The following SRBD1 variants were observed in gnomAD, a reference collection of about 807,000 sequenced individuals.
The protein encoded by SRBD1 is S1 RNA binding domain 1.
In SRBD1, 88 loss-of-function variants were observed where a neutral mutation model predicts 115.3. That is an observed-to-expected ratio of 0.76 (90% CI 0.64 to 0.91). SRBD1 has a LOEUF of 0.91. Ranked by LOEUF, SRBD1 falls within the 40% of genes least tolerant of loss-of-function variation. SRBD1 has a pLI of 0.00. For synonymous variants in SRBD1, 509 were observed against 407.7 expected, an observed-to-expected ratio of 1.25 and a Z score of -2.99; for missense variants, 1,385 against 1,177.4, an observed-to-expected ratio of 1.18 and a Z score of -2.58.
Position 45,547,579 on chromosome 2 carries a change from T to G in SRBD1, c.1709A>C (p.His570Pro). The change falls in exon 13 of 21, where the codon CAT becomes CCT. Residue 570 changes from histidine to proline, a missense_variant. His to Pro is a moderately conservative substitution (Grantham distance 77). Coordinates refer to ENST00000263736, the MANE Select transcript of SRBD1 (RefSeq NM_018079.5). The part of the protein sequence containing the change: ...QILHTDVVYL[H>P]CGQGFREAEK... The stretch of plus-strand genomic sequence containing the variant: ...CGCCTCTCGGAAGCCTTGTCCACAA[T>G]GCAAGTAAACCACATCAGTATGAAG... 1.9e-6 allele frequency: 3 copies of G among 1,613,760 alleles called. No homozygotes were observed. The highest frequency in any genetic ancestry group is 2.5e-6 in the Non-Finnish European group (3 of 1,179,752).
chr2:45,541,171 G>A (rs543094223), intron 14 of SRBD1, among the ~76,000 whole-genome samples: 44 of 152,354 alleles, frequency 2.9e-4, no homozygotes, highest in East Asian at 1.5e-3. Flanking sequence ...CAGGGCAGGT[G>A]GTGCCATGCA....
chr2:45,494,877 A>G (rs982094999), intron 14 of SRBD1, among the ~76,000 whole-genome samples: 5 of 152,242 alleles, frequency 3.3e-5, no homozygotes, highest in African/African-American at 1.2e-4. Flanking sequence ...CACTAGCACC[A>G]TCTGGTGGAG....
rs757089546 is a variant in SRBD1, at chr2:45,599,808, C to T, written c.289G>A (p.Ala97Thr). The change falls in exon 4 of 21, where the codon GCT becomes ACT. Residue 97 changes from alanine to threonine, a missense_variant. By Grantham distance (58) the Ala-to-Thr change is moderately conservative. Transcript: ENST00000263736. ...AATTTATTTTTTCTGTCTTCTAAAG[C>T]AGTATCAGCAATAGCCACAGAGCTA... ...LNSSVAIADTALEDRKNKLDT... is the reference protein window; with the variant it reads ...LNSSVAIADTTLEDRKNKLDT... 1.2e-6 allele frequency: 2 copies of T among 1,613,268 alleles called. No homozygotes were observed. Among genetic ancestry groups the T allele is most frequent in the South Asian group, 1.1e-5 (1 of 90,878 alleles).
At chr2:45,408,961 G>A (rs964993935) in intron 19 of SRBD1, among the ~76,000 whole-genome samples, 17 of 152,128 alleles carry the variant, frequency 1.1e-4, no homozygotes, top group African/African-American at 3.6e-4. Flanking sequence ...AGTGGCTCAC[G>A]CCTATAATCC....
chr2:45,489,023 T>C (rs1160337961), intron 14 of SRBD1, among the ~76,000 whole-genome samples: 2 of 152,194 alleles, frequency 1.3e-5, no homozygotes, highest in Non-Finnish European at 2.9e-5. Flanking sequence ...TCTTTCATTC[T>C]CTTCCTTTCT....
chr2:45,558,324 A>T (rs192329321), intron 10 of SRBD1, among the ~76,000 whole-genome samples: 239 of 152,230 alleles, frequency 1.6e-3, no homozygotes, highest in Non-Finnish European at 2.4e-3. Flanking sequence ...TTAATTTTTT[A>T]AAAAAAATTT....
At chr2:45,413,720 G>C (rs756277859) in intron 18 of SRBD1, among the ~76,000 whole-genome samples, 1 of 152,090 alleles carries the variant, frequency 6.6e-6, no homozygotes, top group Non-Finnish European at 1.5e-5. Flanking sequence ...CTGAGGTCAG[G>C]AGTTCGAGAC....
intron 14 of SRBD1, among the ~76,000 whole-genome samples, chr2:45,538,739 G>T (rs1435441935): frequency 2.6e-5 from 4 of 152,122 alleles, no homozygotes; most frequent in African/African-American, 9.7e-5. Context: ...CATTCAATCT[G>T]ACATTTATAG....
rs186471535 is a variant in SRBD1, at chr2:45,412,058, A to G, written c.2513+1056T>C. Among the ~76,000 whole-genome samples the G allele has an allele frequency of 1.2e-3, 189 of 151,870 alleles. 1 individual carries two copies. The highest frequency in any genetic ancestry group is 7.5e-3 in the Admixed American group (114 of 15,254). Reference sequence around the variant, plus strand: ...AACCCAGGAGGCAGAGGTTGCCGAGATCACACCACTGCACTCCAGTCTGGG... The same window carrying G: ...AACCCAGGAGGCAGAGGTTGCCGAGGTCACACCACTGCACTCCAGTCTGGG... On this transcript the variant is annotated intron_variant, in intron 19 of 20. Transcript: ENST00000263736.
At chr2:45,420,817 A>T (rs566096813) in intron 16 of SRBD1, among the ~76,000 whole-genome samples, 3 of 152,204 alleles carry the variant, frequency 2.0e-5, no homozygotes, top group African/African-American at 7.2e-5. Flanking sequence ...GCACATTCTT[A>T]GAAGCTTTGA....
intron 11 of SRBD1, among the ~76,000 whole-genome samples, chr2:45,552,542 A>G (rs1672335243): frequency 2.6e-5 from 4 of 152,198 alleles, no homozygotes; most frequent in Admixed American, 2.6e-4. Context: ...GACATAAGCA[A>G]CATGAGAAAA....
chr2:45,501,334 T>A (rs1433299965), intron 14 of SRBD1, among the ~76,000 whole-genome samples: 3 of 152,200 alleles, frequency 2.0e-5, no homozygotes, highest in African/African-American at 7.2e-5. Flanking sequence ...GGTTCCAAGA[T>A]GGCCAAATAG....
chr2:45,428,551 C>CAAAA (rs1295341050), intron 16 of SRBD1, among the ~76,000 whole-genome samples: 1 of 144,796 alleles, frequency 6.9e-6, no homozygotes, highest in Admixed American at 7.0e-5. Flanking sequence ...GACTCCGTCT[C>CAAAA]AAAAAAATAA....
rs752388037 is a variant in SRBD1 at position 45,418,558 on chromosome 2, A to G, written c.2157-17T>C. 1.3e-6 allele frequency: 2 copies of G among 1,589,664 alleles called. No individual in the cohort carries two copies. The highest frequency in any genetic ancestry group is 2.3e-5 in the South Asian group (2 of 86,932). On this transcript the variant is annotated splice_polypyrimidine_tract_variant and intron_variant, in intron 17 of 20. Coordinates refer to ENST00000263736, the MANE Select transcript of SRBD1 (RefSeq NM_018079.5). ...GCAATATGCCTAGAAAAAAAAAATA[A>G]GCAAACTGAAAAAAAGATCTCATCT... is the stretch of plus-strand genomic sequence containing the variant.
intron 20 of SRBD1, among the ~76,000 whole-genome samples, chr2:45,391,528 T>C (rs931725313): frequency 1.3e-5 from 2 of 152,308 alleles, no homozygotes; most frequent in East Asian, 1.9e-4. Flanking sequence ...CTTCCTCACC[T>C]TGGGTATGTG....
intron 16 of SRBD1, among the ~76,000 whole-genome samples, chr2:45,438,372 A>T (rs535228770): frequency 6.6e-6 from 1 of 152,342 alleles, no homozygotes; most frequent in African/African-American, 2.4e-5. Context: ...ATGCAGGCAC[A>T]TGTGACCAAT....
chr2:45,397,481 G>T (rs1667178987), intron 19 of SRBD1, among the ~76,000 whole-genome samples: 1 of 152,200 alleles, frequency 6.6e-6, no homozygotes, highest in Non-Finnish European at 1.5e-5. Flanking sequence ...ACACAGCTGA[G>T]AATATCACAG....
intron 4 of SRBD1, among the ~76,000 whole-genome samples, chr2:45,586,368 C>T (rs767361224): frequency 3.3e-5 from 5 of 151,942 alleles, no homozygotes; most frequent in Non-Finnish European, 5.9e-5. Flanking sequence ...TACTAAATAC[C>T]ATGCAAGCAT....
Position 45,461,919 on chromosome 2 carries a change from G to A in SRBD1, c.2049+15074C>T, listed in dbSNP as rs549454069. Among the ~76,000 whole-genome samples, 12 of 152,224 alleles carry A rather than the reference G, an allele frequency of 7.9e-5. No homozygotes were observed. The South Asian group carries it at 2.1e-3, about 26-fold the overall frequency. On this transcript the variant is annotated intron_variant, in intron 16 of 20. Transcript: ENST00000263736. ...CTACTCAGTTCCCTAATGCCCTAAC[G>A]TGTCGATCCTCCTCCCTTTTTTCTC...
Sources: allele counts gnomAD v4.1 joint callset (sites outside exome capture counted in the v4.1 genomes callset), GRCh38; gene constraint gnomAD v4.1.1; transcripts MANE v1.5; gene names NCBI Gene and HGNC (gene_info 2026-07-23, HGNC 2026-07-21).